CCDC141: variants seen among roughly 807,000 people sequenced by gnomAD.
The protein encoded by CCDC141 is coiled-coil domain-containing protein 141.
CCDC141 carries 168 observed loss-of-function variants against 181.0 expected under a neutral mutation model. The observed-to-expected ratio is 0.93, with a 90% CI of 0.82 to 1.05. The LOEUF (loss-of-function observed/expected upper bound fraction) is 1.05. Among genes scored for constraint, CCDC141 ranks in the 50% least tolerant of loss-of-function variants. The pLI is 0.00. For synonymous variants in CCDC141, 666 were observed against 642.3 expected, an observed-to-expected ratio of 1.04 and a Z score of -0.56; for missense variants, 1,902 against 1,788.5, an observed-to-expected ratio of 1.06 and a Z score of -1.14.
rs1220015586 is a variant in CCDC141 at position 179,015,807 on chromosome 2, A to G, written c.225+31477T>C. On this transcript the variant is annotated intron_variant, in intron 2 of 23. Coordinates refer to ENST00000443758, the MANE Select transcript of CCDC141 (RefSeq NM_173648.4). ...TGTATCATATATATCTCATATATGT[A>G]TCATATATATCTCATATATGTATCA... Among the ~76,000 whole-genome samples, 13 of 135,718 alleles carry G rather than the reference A, an allele frequency of 9.6e-5. No homozygotes were observed. The South Asian group carries it at 3.1e-3, about 33-fold the overall frequency. 89.0% of individuals were successfully genotyped at this position (135,718 alleles called of 152,430 possible).
At chr2:178,845,263 G>A (rs1322833640) in intron 22 of CCDC141, among the ~76,000 whole-genome samples, 4 of 152,152 alleles carry the variant, frequency 2.6e-5, no homozygotes, top group Non-Finnish European at 5.9e-5. Flanking sequence ...GATAAAAAGG[G>A]ATAAGTAAAA....
chr2:178,969,575 C>G (rs192162001), intron 4 of CCDC141, among the ~76,000 whole-genome samples: 37 of 152,224 alleles, frequency 2.4e-4, no homozygotes, highest in Non-Finnish European at 3.8e-4. Context: ...AATTCAAAAC[C>G]TCTTCATGCT....
At chr2:179,017,066 T>C (rs1220159150) in intron 2 of CCDC141, among the ~76,000 whole-genome samples, 1 of 152,146 alleles carries the variant, frequency 6.6e-6, no homozygotes, top group Non-Finnish European at 1.5e-5. Flanking sequence ...GCAGATTTTA[T>C]TTTCATACAG....
chr2:178,905,320 T>G lies in CCDC141; in HGVS notation c.1265+9A>C, dbSNP rs1558969990. On this transcript the variant is annotated intron_variant, in intron 8 of 23. Coordinates refer to ENST00000443758, the MANE Select transcript of CCDC141 (RefSeq NM_173648.4). The stretch of plus-strand genomic sequence containing the variant: ...TTGTTACACTGAGAAAGAAATCAAC[T>G]TTACTCACCTGCAGGAGTCTACTTG... 14 of 1,536,378 alleles carry G rather than the reference T, an allele frequency of 9.1e-6. No individual in the cohort carries two copies. Among genetic ancestry groups the G allele is most frequent in the Non-Finnish European group, 1.1e-5 (13 of 1,141,556 alleles).
chr2:178,985,749 C>A (rs1691696687), intron 2 of CCDC141, among the ~76,000 whole-genome samples: 1 of 152,168 alleles, frequency 6.6e-6, no homozygotes, highest in African/African-American at 2.4e-5. Context: ...CACATACACT[C>A]TCCCAAGACT....
chr2:178,960,697 A>G (rs1006364654), intron 5 of CCDC141, among the ~76,000 whole-genome samples: 1 of 152,152 alleles, frequency 6.6e-6, no homozygotes, highest in Non-Finnish European at 1.5e-5. Context: ...ATGAGCTCTA[A>G]TGAGCCTGCA....
Position 179,049,868 on chromosome 2 carries a change from TC to T in CCDC141, c.73del (p.Asp25ThrfsTer6). ...TATGACAGCTATAACGATTTTGGAGTCCCCAGCCTGCACAGCAACTGAACTG... is the reference window on the plus strand; with the variant it reads ...TATGACAGCTATAACGATTTTGGAGTCCCAGCCTGCACAGCAACTGAACTG... Reference protein sequence around the residue: ...TVSSVAVQAGDSKIVIAVIKC... With the variant: ...TVSSVAVQAGXSKIVIAVIKC... On this transcript the variant is annotated frameshift_variant, in exon 1 of 24. Transcript: ENST00000443758. LOFTEE classifies it high-confidence loss of function. 6.4e-7 allele frequency: 1 copy of T among 1,550,566 alleles called. No homozygotes were observed. Among genetic ancestry groups the T allele is most frequent in the Non-Finnish European group, 8.7e-7 (1 of 1,146,930 alleles).
In CCDC141 at chr2:178,954,057, C is replaced by T. The variant is rs1010097252; in HGVS notation, c.780+7173G>A. Among the ~76,000 whole-genome samples the T allele has an allele frequency of 2.0e-5, 3 of 152,180 alleles. No homozygotes were observed. The South Asian group carries it at 6.2e-4, about 32-fold the overall frequency. ...CCTTCCTGCCCCTAAAGGTGTATAT[C>T]TTATATGTGATCTGGGTGGTAAAAA... is the stretch of plus-strand genomic sequence containing the variant. On this transcript the variant is annotated intron_variant, in intron 5 of 23. Transcript: ENST00000443758.
chr2:178,934,266 T>C (rs1468261288), intron 6 of CCDC141, among the ~76,000 whole-genome samples: 1 of 152,154 alleles, frequency 6.6e-6, no homozygotes, highest in Non-Finnish European at 1.5e-5. Flanking sequence ...ACGAACATTA[T>C]TTCTGATGTG....
At chr2:178,912,317 C>G (rs892198948) in intron 7 of CCDC141, among the ~76,000 whole-genome samples, 2 of 152,116 alleles carry the variant, frequency 1.3e-5, no homozygotes, top group Admixed American at 6.6e-5. Context: ...CGTTAGAAAT[C>G]CATTGACAGC....
chr2:178,837,078 C>T lies in CCDC141; in HGVS notation c.4141G>A (p.Gly1381Ser), dbSNP rs1206247183. ...GLRFQSGTSRGYQRQMVPREE... is the reference protein window; with the variant it reads ...GLRFQSGTSRSYQRQMVPREE... ...CGAGGAACCATTTGCCTCTGATAGCCCCTGCTGGTGCCTGATTGAAACCTG... is the reference window on the plus strand; with the variant it reads ...CGAGGAACCATTTGCCTCTGATAGCTCCTGCTGGTGCCTGATTGAAACCTG... Residue 1381 changes from glycine to serine, a missense_variant, in exon 23 of 24, where the codon GGC (glycine) becomes AGC (serine). Coordinates refer to ENST00000443758, the MANE Select transcript of CCDC141 (RefSeq NM_173648.4). 1.2e-6 allele frequency: 2 copies of T among 1,613,826 alleles called. No individual in the cohort carries two copies. Among genetic ancestry groups the T allele is most frequent in the East Asian group, 2.2e-5 (1 of 44,838 alleles).
At chr2:178,903,647 T>G in intron 8 of CCDC141, among the ~76,000 whole-genome samples, 1 of 150,012 alleles carries the variant, frequency 6.7e-6, no homozygotes. Context: ...AGGAGATATA[T>G]GTAATGCTAA....
At chr2:179,047,433 A>G (rs2043534855) in intron 1 of CCDC141, 27 bp from the exon 2 acceptor site, 8 of 1,481,728 alleles carry the variant, frequency 5.4e-6, no homozygotes, top group Non-Finnish European at 7.2e-6. Context: ...AATAAAATGC[A>G]CTTTTAGTTC....
At chr2:178,900,937 T>C (rs774176308) in intron 8 of CCDC141, among the ~76,000 whole-genome samples, 10 of 152,140 alleles carry the variant, frequency 6.6e-5, no homozygotes, top group Middle Eastern at 3.2e-3. Context: ...AGATGAGCCT[T>C]ATGATTGCAT....
At chr2:179,046,790 A>C (rs1559070332) in intron 2 of CCDC141, among the ~76,000 whole-genome samples, 1 of 152,220 alleles carries the variant, frequency 6.6e-6, no homozygotes, top group African/African-American at 2.4e-5. Flanking sequence ...AAATACTCTC[A>C]ACATATATAA....
Position 178,888,812 on chromosome 2 carries a change from G to A in CCDC141, c.1266-144C>T, listed in dbSNP as rs539746016. ...ACAGAAGTTAAGTAGCTATCATCTC[G>A]GCATAGCAGGAAGCAAAAATTATAT... On this transcript the variant is annotated intron_variant, in intron 8 of 23. Coordinates refer to ENST00000443758, the MANE Select transcript of CCDC141 (RefSeq NM_173648.4). The A allele has an allele frequency of 2.6e-4, 214 of 810,542 alleles. No homozygotes were observed. In the African/African-American group the frequency reaches 2.9e-3, roughly 11 times the overall value. 50.2% of individuals were successfully genotyped at this position (810,542 alleles called of 1,614,324 possible). A position where few individuals can be genotyped will look rare whatever the true frequency, so the allele number is the denominator to read the frequency against.
intron 12 of CCDC141, chr2:178,873,189 C>T (rs1446081707): frequency 6.6e-6 from 1 of 152,016 alleles, no homozygotes; most frequent in Non-Finnish European, 1.5e-5. Flanking sequence ...AAATACTTAA[C>T]AGGATATTTT....
chr2:178,818,050 C>T, the CCDC141 span, among the ~76,000 whole-genome samples: 1 of 152,068 alleles, frequency 6.6e-6, no homozygotes, highest in Non-Finnish European at 1.5e-5. Context: ...TGATCCACTC[C>T]CTTCAGTCTC....
intron 8 of CCDC141, among the ~76,000 whole-genome samples, chr2:178,904,808 AGAGC>A (rs1166096096): frequency 6.6e-6 from 1 of 152,194 alleles, no homozygotes; most frequent in Non-Finnish European, 1.5e-5. Context: ...AGGCCCACCT[AGAGC>A]ACTGTTCAAA....
Sources: allele counts gnomAD v4.1 joint callset (sites outside exome capture counted in the v4.1 genomes callset), GRCh38; gene constraint gnomAD v4.1.1; transcripts MANE v1.5; gene names NCBI Gene and HGNC (gene_info 2026-07-23, HGNC 2026-07-21).